GPHN: variants seen among roughly 807,000 people sequenced by gnomAD.
GPHN encodes gephyrin.
Under a neutral mutation model 95.5 loss-of-function variants are expected in GPHN, and 17 were observed. That is an observed-to-expected ratio of 0.18 (90% CI 0.12 to 0.27). GPHN has a LOEUF of 0.27. GPHN is among the 10% of genes least tolerant of loss of function. The pLI, the probability that GPHN is intolerant of heterozygous loss-of-function variation, is 1.00. For synonymous variants in GPHN, 320 were observed against 322.5 expected (o/e 0.99, Z 0.08); for missense variants, 660 against 978.1 (o/e 0.67, Z 4.34).
the GPHN span, among the ~76,000 whole-genome samples, chr14:67,295,854 G>C: frequency 4.6e-5 from 7 of 152,164 alleles, no homozygotes; most frequent in African/African-American, 2.4e-5. Context: ...AATTTCACTT[G>C]TAGGTATATA....
intron 12 of GPHN, among the ~76,000 whole-genome samples, chr14:67,090,487 T>C (rs1213170315): frequency 6.6e-6 from 1 of 152,070 alleles, no homozygotes; most frequent in Non-Finnish European, 1.5e-5. Flanking sequence ...GTATAGGATA[T>C]ATATGAAACA....
At chr14:67,093,167 A>G (rs555395475) in intron 12 of GPHN, among the ~76,000 whole-genome samples, 8 of 152,258 alleles carry the variant, frequency 5.3e-5, no homozygotes, top group African/African-American at 1.9e-4. Flanking sequence ...AAGTTTTGCC[A>G]TTTGGGTAGA....
the GPHN span, among the ~76,000 whole-genome samples, chr14:67,644,912 A>T: frequency 6.6e-6 from 1 of 151,794 alleles, no homozygotes. Flanking sequence ...GCAGGAAAAT[A>T]GCTTGAACCC....
intron 2 of GPHN, among the ~76,000 whole-genome samples, chr14:66,754,358 A>G (rs892571829): frequency 1.3e-5 from 2 of 152,030 alleles, no homozygotes; most frequent in African/African-American, 4.8e-5. Context: ...TAATTTAATT[A>G]TACTGAATAT....
the GPHN span, chr14:67,656,476 G>A: frequency 8.1e-6 from 13 of 1,613,588 alleles, no homozygotes; most frequent in Non-Finnish European, 1.1e-5. Flanking sequence ...TGATTTCTGA[G>A]CCAATCTGGT....
At chr14:66,952,252 T>A (rs961753008) in intron 8 of GPHN, among the ~76,000 whole-genome samples, 5 of 152,214 alleles carry the variant, frequency 3.3e-5, no homozygotes, top group Admixed American at 6.5e-5. Flanking sequence ...TAGGTTTACT[T>A]ATTTTGGACA....
At chr14:67,725,346 C>A in the GPHN span, 1 of 1,296,224 alleles carries the variant, frequency 7.7e-7, no homozygotes, top group South Asian at 1.2e-5. Context: ...ACATCAGAAC[C>A]ATCATCCACC....
the GPHN span, chr14:67,674,402 C>G: frequency 6.2e-7 from 1 of 1,604,018 alleles, no homozygotes; most frequent in Non-Finnish European, 8.5e-7. Context: ...AGCAGCCGCT[C>G]GGGCACCCCT....
chr14:67,372,602 G>A, the GPHN span, among the ~76,000 whole-genome samples: 1 of 152,170 alleles, frequency 6.6e-6, no homozygotes, highest in Non-Finnish European at 1.5e-5. Flanking sequence ...AGGCCAAGGT[G>A]GGCAGATCAT....
the GPHN span, among the ~76,000 whole-genome samples, chr14:67,402,110 G>A: frequency 6.6e-6 from 1 of 152,078 alleles, no homozygotes; most frequent in South Asian, 2.1e-4. Flanking sequence ...CTCCAGCCTG[G>A]GTGACAGAGG....
chr14:67,457,515 G>A, the GPHN span, among the ~76,000 whole-genome samples: 1 of 152,174 alleles, frequency 6.6e-6, no homozygotes, highest in Non-Finnish European at 1.5e-5. Context: ...TGAGGCAGAA[G>A]GATCATTTGA....
At chr14:67,118,118 C>T (rs568922911) in intron 16 of GPHN, among the ~76,000 whole-genome samples, 1 of 152,188 alleles carries the variant, frequency 6.6e-6, no homozygotes, top group East Asian at 1.9e-4. Context: ...TACCTGGGAC[C>T]TCTATAAACG....
chr14:67,070,872 C>T (rs982242714), intron 11 of GPHN, among the ~76,000 whole-genome samples: 1 of 151,590 alleles, frequency 6.6e-6, no homozygotes, highest in Non-Finnish European at 1.5e-5. Flanking sequence ...AATAAAATTA[C>T]CTATTCACAC....
At chr14:67,359,587 C>G in the GPHN span, 1 of 1,555,940 alleles carries the variant, frequency 6.4e-7, no homozygotes. Context: ...TCACTGTGGC[C>G]CAGGGTCTGA....
At chr14:67,694,489 C>CACATATATAT in the GPHN span, among the ~76,000 whole-genome samples, 1 of 144,230 alleles carries the variant, frequency 6.9e-6, no homozygotes, top group Non-Finnish European at 1.5e-5. Flanking sequence ...CACACACACA[C>CACATATATAT]ATATATATAT....
the GPHN span, chr14:67,569,772 G>T: frequency 1.6e-6 from 1 of 643,286 alleles, no homozygotes; most frequent in Non-Finnish European, 2.8e-6. Context: ...GAGTCAAGGG[G>T]AGAAGATGAA....
At chr14:66,912,709 T>C (rs1413330385) in intron 5 of GPHN, among the ~76,000 whole-genome samples, 2 of 152,152 alleles carry the variant, frequency 1.3e-5, no homozygotes, top group East Asian at 3.8e-4. Context: ...TCTAGCTCTT[T>C]ACAGTGAATT....
chr14:66,737,772 C>T (rs2072428810), intron 2 of GPHN, among the ~76,000 whole-genome samples: 1 of 152,168 alleles, frequency 6.6e-6, no homozygotes, highest in Non-Finnish European at 1.5e-5. Context: ...TCCAACCAGC[C>T]AACCGTGTGC....
chr14:66,880,897 TAGTC>T (rs997338263), intron 5 of GPHN, among the ~76,000 whole-genome samples: 6 of 152,126 alleles, frequency 3.9e-5, no homozygotes, highest in East Asian at 3.9e-4. Context: ...AGTGTCAACT[TAGTC>T]AGAAACTGTT....
Sources: allele counts gnomAD v4.1 joint callset (sites outside exome capture counted in the v4.1 genomes callset), GRCh38; gene constraint gnomAD v4.1.1; transcripts MANE v1.5; gene names NCBI Gene and HGNC (gene_info 2026-07-23, HGNC 2026-07-21).